The following LINGO2 variants were observed in gnomAD, a reference collection of about 807,000 sequenced individuals.
LINGO2 encodes leucine rich repeat and Ig domain containing 2.
Under a neutral mutation model 30.6 loss-of-function variants are expected in LINGO2, and 14 were observed. That is an observed-to-expected ratio of 0.46 (90% CI 0.30 to 0.72). LINGO2 has a LOEUF of 0.72. Ranked by LOEUF, LINGO2 falls within the 30% of genes least tolerant of loss-of-function variation. LINGO2 has a pLI of 0.07. For missense variants in LINGO2, 729 were observed against 751.7 expected (o/e 0.97, Z 0.35); for synonymous variants, 317 against 288.5 (o/e 1.10, Z -1.00).
chr9:29,189,491 C>T, the LINGO2 span, among the ~76,000 whole-genome samples: 3 of 151,146 alleles, frequency 2.0e-5, no homozygotes, highest in African/African-American at 7.3e-5. Context: ...ACATCCCAGA[C>T]GGGGCGGTGG....
intron 2 of LINGO2, among the ~76,000 whole-genome samples, chr9:28,431,029 T>TGAGAGAGA (rs57751993): frequency 0.14 from 18,611 of 128,372 alleles, 1,692 homozygotes; most frequent in Non-Finnish European, 0.17. Context: ...GCATGAGTGA[T>TGAGAGAGA]GAGAGAGAGA....
the LINGO2 span, among the ~76,000 whole-genome samples, chr9:28,958,081 C>T: frequency 1.3e-5 from 2 of 152,074 alleles, no homozygotes; most frequent in East Asian, 3.9e-4. Context: ...ATTAATGATG[C>T]TCCTTCATTG....
the LINGO2 span, among the ~76,000 whole-genome samples, chr9:28,830,757 TACACAC>T: frequency 6.6e-6 from 1 of 151,178 alleles, no homozygotes; most frequent in Non-Finnish European, 1.5e-5. Context: ...CTTGCCCCTA[TACACAC>T]ACACACACAC....
chr9:28,405,904 C>T (rs1030779239), intron 2 of LINGO2, among the ~76,000 whole-genome samples: 5 of 151,952 alleles, frequency 3.3e-5, no homozygotes, highest in African/African-American at 4.8e-5. Flanking sequence ...TACCTCATTC[C>T]TTTATTCATT....
At chr9:28,194,980 A>G (rs944496817) in intron 4 of LINGO2, among the ~76,000 whole-genome samples, 4 of 152,134 alleles carry the variant, frequency 2.6e-5, no homozygotes, top group South Asian at 2.1e-4. Context: ...GATTTAAGTC[A>G]CCTCTTTCTA....
intron 2 of LINGO2, among the ~76,000 whole-genome samples, chr9:28,443,944 C>T (rs1454864268): frequency 2.6e-5 from 4 of 152,112 alleles, no homozygotes; most frequent in African/African-American, 4.8e-5. Context: ...ACTTATGGTG[C>T]TTTTCCCAGT....
chr9:29,073,430 G>T, the LINGO2 span, among the ~76,000 whole-genome samples: 1 of 152,028 alleles, frequency 6.6e-6, no homozygotes. Context: ...CTAAAGTCAC[G>T]GGACAAATTC....
At chr9:29,015,004 TA>T in the LINGO2 span, among the ~76,000 whole-genome samples, 5 of 152,172 alleles carry the variant, frequency 3.3e-5, no homozygotes, top group Admixed American at 3.3e-4. Flanking sequence ...ACTCTCTTAA[TA>T]GTTTTTAAGG....
upstream of LINGO2, among the ~76,000 whole-genome samples, chr9:28,673,169 A>G (rs1563907262): frequency 6.6e-6 from 1 of 152,122 alleles, no homozygotes; most frequent in Non-Finnish European, 1.5e-5. Context: ...TGGGTTAATA[A>G]TAAAATAATG....
the LINGO2 span, among the ~76,000 whole-genome samples, chr9:29,136,761 C>T: frequency 3.9e-5 from 6 of 152,246 alleles, no homozygotes; most frequent in East Asian, 5.8e-4. Flanking sequence ...TCCATAACCA[C>T]GGCTTCAAAT....
the LINGO2 span, among the ~76,000 whole-genome samples, chr9:29,202,460 T>G: frequency 6.6e-6 from 1 of 152,008 alleles, no homozygotes; most frequent in Non-Finnish European, 1.5e-5. Flanking sequence ...TGAGTATAAA[T>G]TAATAATTAC....
the LINGO2 span, among the ~76,000 whole-genome samples, chr9:28,905,493 A>G: frequency 6.6e-6 from 1 of 152,052 alleles, no homozygotes; most frequent in South Asian, 2.1e-4. Context: ...ATACCTACAC[A>G]AATAATTGTC....
the LINGO2 span, among the ~76,000 whole-genome samples, chr9:28,974,965 T>C: frequency 1.4e-4 from 21 of 152,134 alleles, 1 homozygote; most frequent in Admixed American, 1.4e-3. Context: ...TTGCTGTAAA[T>C]GACTTGGTAA....
At chr9:28,804,308 C>T in the LINGO2 span, among the ~76,000 whole-genome samples, 6 of 152,086 alleles carry the variant, frequency 3.9e-5, no homozygotes, top group South Asian at 1.2e-3. Context: ...TGATGTCCAT[C>T]GAAAGGAACA....
At chr9:29,115,588 T>TTC in the LINGO2 span, among the ~76,000 whole-genome samples, 1 of 86,778 alleles carries the variant, frequency 1.2e-5, no homozygotes, top group Admixed American at 1.1e-4. Flanking sequence ...ATTGAATGTG[T>TTC]TTTTTTTTAA....
chr9:28,515,465 C>T (rs1820585187), intron 1 of LINGO2, among the ~76,000 whole-genome samples: 1 of 152,170 alleles, frequency 6.6e-6, no homozygotes, highest in African/African-American at 2.4e-5. Context: ...CTCGGCCTCC[C>T]AAAGTGCCGG....
chr9:29,107,724 T>C, the LINGO2 span, among the ~76,000 whole-genome samples: 11 of 152,112 alleles, frequency 7.2e-5, no homozygotes, highest in Non-Finnish European at 1.6e-4. Context: ...TTGGCAATCT[T>C]CATTTGCCAA....
At chr9:28,931,304 C>T in the LINGO2 span, among the ~76,000 whole-genome samples, 2 of 152,308 alleles carry the variant, frequency 1.3e-5, no homozygotes, top group Middle Eastern at 3.4e-3. Context: ...ATAACCATGG[C>T]ATGCTTAATT....
At chr9:28,733,365 A>AT in the LINGO2 span, among the ~76,000 whole-genome samples, 12 of 152,182 alleles carry the variant, frequency 7.9e-5, no homozygotes, top group Admixed American at 7.9e-4. Flanking sequence ...GGTTTTTGAT[A>AT]TATATTTTAG....
Sources: allele counts gnomAD v4.1 joint callset (sites outside exome capture counted in the v4.1 genomes callset), GRCh38; gene constraint gnomAD v4.1.1; transcripts MANE v1.5; gene names NCBI Gene and HGNC (gene_info 2026-07-23, HGNC 2026-07-21).